The following ADGRD2 variants were observed in gnomAD, a reference collection of about 807,000 sequenced individuals.
The protein encoded by ADGRD2 is G protein-coupled receptor PGR24.
In ADGRD2, 71 loss-of-function variants were observed where a neutral mutation model predicts 44.4. The observed-to-expected ratio is 1.60, with a 90% confidence interval of 1.32 to 1.95. The LOEUF is 1.95. Among genes scored for constraint, ADGRD2 ranks in the 30% most tolerant of loss-of-function variants. The pLI is 0.00. For synonymous variants in ADGRD2, 481 were observed against 224.8 expected (o/e 2.14, Z -10.19); for missense variants, 1,039 against 512.4 (o/e 2.03, Z -9.92).
At position 124,454,933 on chromosome 9, in the gene ADGRD2, A is replaced by T; in HGVS notation, c.1201A>T (p.Met401Leu). The T allele has an allele frequency of 1.4e-6, 1 of 717,252 alleles. No homozygotes were observed. The highest frequency in any genetic ancestry group is 2.6e-6 in the Non-Finnish European group (1 of 385,082). The allele number at this position is 717,252 out of a possible 1,614,324, so 44.4% of individuals were successfully genotyped here. The change falls in exon 6 of 22, where the codon ATG (methionine) becomes TTG (leucine). Residue 401 changes from methionine (M) to leucine (L), a missense_variant. Met to Leu is a conservative substitution (Grantham distance 15). Coordinates refer to ENST00000334810, the Ensembl canonical transcript of ADGRD2. The surrounding 1 kb of genome is among the most constrained non-coding windows in gnomAD (Gnocchi z 4.5). ...GGGCCTTCTGGAGCATGTCCTGGCGATGGAGATGGCTCCCCTGGGGCCGGC... is the reference window on the plus strand; with the variant it reads ...GGGCCTTCTGGAGCATGTCCTGGCGTTGGAGATGGCTCCCCTGGGGCCGGC...
At chr9:124,466,595 A>G (rs1831829537) in intron 11 of ADGRD2, 182 bp downstream of exon 14, 1 of 430,552 alleles carries the variant, frequency 2.3e-6, no homozygotes. Flanking sequence ...TGATCACTTG[A>G]GCCCAGGAGT....
At chr9:124,472,048 GC>G (rs1205723512) in intron 17 of ADGRD2, among the ~76,000 whole-genome samples, 2 of 152,192 alleles carry the variant, frequency 1.3e-5, no homozygotes, top group African/African-American at 4.8e-5. Flanking sequence ...TTTGCCAGGT[GC>G]CCCTCTCCAC....
chr9:124,477,879 G>A (rs1323410777), intron 21 of ADGRD2, among the ~76,000 whole-genome samples: 1 of 151,038 alleles, frequency 6.6e-6, no homozygotes, highest in African/African-American at 2.4e-5. Context: ...CTCAAGTGAC[G>A]GCGCCTTTGT....
intron 17 of ADGRD2, among the ~76,000 whole-genome samples, chr9:124,472,213 C>T (rs1020325298): frequency 6.6e-6 from 1 of 152,216 alleles, no homozygotes; most frequent in Non-Finnish European, 1.5e-5. Context: ...TCAGATCCCT[C>T]CCTTCAGTTC....
At chr9:124,466,214 T>C (rs541566671) in intron 10 of ADGRD2, 44 bp from the exon 14 acceptor site, 50 of 550,612 alleles carry the variant, frequency 9.1e-5, no homozygotes, top group African/African-American at 6.7e-4. Flanking sequence ...GCCTTTCCCC[T>C]GCTTGCTTCT....
exon 14 of ADGRD2, chr9:124,468,660 G>C: frequency 1.4e-6 from 1 of 716,466 alleles, no homozygotes; most frequent in Non-Finnish European, 2.6e-6. Context: ...GCTCTACCAC[G>C]CCACAGGCTG....
chr9:124,453,613 C>T (rs1007961694), exon 3 of ADGRD2: 1 of 701,158 alleles, frequency 1.4e-6, no homozygotes, highest in Admixed American at 2.0e-5. Flanking sequence ...CCGCTGGGAC[C>T]CGGGCGCCCT....
chr9:124,457,946 A>G (rs1399093951), intron 8 of ADGRD2, among the ~76,000 whole-genome samples, 167 bp from the exon 12 acceptor site: 3 of 152,104 alleles, frequency 2.0e-5, no homozygotes, highest in African/African-American at 4.8e-5. Flanking sequence ...GCTGCTTGGA[A>G]TTTTGGCTCT....
Position 124,454,037 on chromosome 9 carries a change from C to A in ADGRD2, c.964C>A (p.Arg322Ser), listed in dbSNP as rs1362930377. 1.4e-6 allele frequency: 1 copy of A among 713,878 alleles called. No homozygotes were observed. The highest frequency in any genetic ancestry group is 1.5e-5 in the South Asian group (1 of 67,108). The allele number at this position is 713,878 out of a possible 1,614,324, so 44.2% of individuals were successfully genotyped here. A position where few individuals can be genotyped will look rare whatever the true frequency, so the allele number is the denominator to read the frequency against. Residue 322 changes from arginine (R) to serine (S), a missense_variant, in exon 4 of 22, where the codon CGC (arginine) becomes AGC (serine). Transcript: ENST00000334810. The surrounding 1 kb of genome is among the most constrained non-coding windows in gnomAD (Gnocchi z 4.5). ...GTGCCCTACGTGGAACCCGGGACCTCGCAGTGAGGGCTCTGAGCTCTGCCT... is the reference window on the plus strand; with the variant it reads ...GTGCCCTACGTGGAACCCGGGACCTAGCAGTGAGGGCTCTGAGCTCTGCCT...
rs1227837537 is a variant in ADGRD2 at position 124,454,207 on chromosome 9, C to CA, written c.1022+111dup. On this transcript the variant is annotated intron_variant, in intron 4 of 21. Transcript: ENST00000334810. The surrounding 1 kb of genome is among the most constrained non-coding windows in gnomAD (Gnocchi z 4.5). ...AAAGTCTGGGAATTCAGAATAAACT[C>CA]AGAGCTTCAAGGTCTCCATGGAGTC... 1 of 600,546 alleles carries CA rather than the reference C, an allele frequency of 1.7e-6. No homozygotes were observed. Among genetic ancestry groups the CA allele is most frequent in the African/African-American group, 1.9e-5 (1 of 53,886 alleles). The allele number at this position is 600,546 out of a possible 1,614,324, so 37.2% of individuals were successfully genotyped here.
chr9:124,470,758 G>A (rs1831932387), intron 17 of ADGRD2, 144 bp downstream of exon 20: 1 of 586,254 alleles, frequency 1.7e-6, no homozygotes, highest in Non-Finnish European at 3.1e-6. Context: ...ATCTAAGAAG[G>A]GGTTTTGAGG....
upstream of ADGRD2, chr9:124,451,367 G>A (rs1831464654): frequency 5.2e-6 from 2 of 387,100 alleles, no homozygotes; most frequent in South Asian, 3.8e-5. Context: ...CCCTCTCCCA[G>A]CTCTCCAGGG....
Position 124,458,303 on chromosome 9 carries a change from C to T in ADGRD2, c.1764+67C>T, listed in dbSNP as rs545410352. The stretch of plus-strand genomic sequence containing the variant: ...CCTCCCCAAGGAAGGCCAAAGCCCC[C>T]GTTCTGGTGGGCGCATGTGTCCTTA... On this transcript the variant is annotated intron_variant, in intron 9 of 21. Coordinates refer to ENST00000334810, the Ensembl canonical transcript of ADGRD2. 3.5e-4 allele frequency: 248 copies of T among 705,356 alleles called. 7 individuals are homozygous for T. The South Asian group carries it at 3.6e-3, about 10-fold the overall frequency. 43.7% of individuals were successfully genotyped at this position (705,356 alleles called of 1,614,324 possible).
exon 11 of ADGRD2, chr9:124,466,330 G>T (rs1373713792): frequency 1.4e-6 from 1 of 717,158 alleles, no homozygotes; most frequent in Non-Finnish European, 2.6e-6. Flanking sequence ...CTGCTCCGTG[G>T]CTGCCCTGTA....
At chr9:124,462,891 C>T (rs1831746610) in intron 10 of ADGRD2, among the ~76,000 whole-genome samples, 1 of 143,816 alleles carries the variant, frequency 7.0e-6, no homozygotes, top group African/African-American at 2.9e-5. Context: ...TTCTTCCTTC[C>T]TTCCTTTCTT....
chr9:124,463,923 G>A (rs115592567), intron 10 of ADGRD2, among the ~76,000 whole-genome samples: 3,932 of 152,058 alleles, frequency 0.026, 165 homozygotes, highest in African/African-American at 0.091. Context: ...CTGCGGCCTC[G>A]ACCTCCTGGG....
rs748760670 is a variant in ADGRD2 at position 124,468,118 on chromosome 9, C to G, written c.2163C>G (p.His721Gln). 5 of 718,474 alleles carry G rather than the reference C, an allele frequency of 7.0e-6. No homozygotes were observed. In the African/African-American group the frequency reaches 7.0e-5, roughly 10 times the overall value. The allele number at this position is 718,474 out of a possible 1,614,324, so 44.5% of individuals were successfully genotyped here. ...CCAAGTCAGAGCGAACCACAGTCCA[C>G]AAGAACCTCACCTTCTCCCTGGCCT... The change falls in exon 13 of 22, where the codon CAC becomes CAG. Residue 721 changes from histidine to glutamine, a missense_variant. By Grantham distance (24) the His-to-Gln change is conservative. Transcript: ENST00000334810.
intron 20 of ADGRD2, 32 bp downstream of exon 23, chr9:124,476,447 C>T: frequency 1.4e-6 from 1 of 695,762 alleles, no homozygotes; most frequent in African/African-American, 1.7e-5. Context: ...CCGCACAGGG[C>T]TCTGCCAGGG....
intron 10 of ADGRD2, 175 bp from the exon 14 acceptor site, chr9:124,466,083 C>T (rs1178655431): frequency 4.5e-6 from 2 of 448,516 alleles, no homozygotes; most frequent in Non-Finnish European, 8.1e-6. Context: ...CTCCTACCAT[C>T]CTAAGAATGT....
Sources: gnomAD v4.1 joint callset for allele counts (sites outside exome capture counted in the v4.1 genomes callset) on GRCh38, gnomAD v4.1.1 for gene constraint, Gnocchi (gnomAD v3.1) non-coding constraint, MANE v1.5 for transcripts, NCBI Gene and HGNC (gene_info 2026-07-23, HGNC 2026-07-21) for gene names.